The following EML1 variants were observed in gnomAD, a reference collection of about 807,000 sequenced individuals.
EML1 encodes EMAP like 1.
EML1 carries 27 observed loss-of-function variants against 110.4 expected under a neutral mutation model. The observed-to-expected ratio is 0.24, with a 90% CI of 0.18 to 0.34. EML1 has a LOEUF of 0.34. EML1 is among the 10% of genes least tolerant of loss of function. The pLI is 1.00. For synonymous variants in EML1, 344 were observed against 385.8 expected, an observed-to-expected ratio of 0.89 and a Z score of 1.27; for missense variants, 741 against 1,030.9, an observed-to-expected ratio of 0.72 and a Z score of 3.85.
At chr14:99,844,669 A>G (rs1465234483) in intron 1 of EML1, among the ~76,000 whole-genome samples, 6 of 152,224 alleles carry the variant, frequency 3.9e-5, no homozygotes, top group Non-Finnish European at 7.3e-5. Context: ...AATTACCTTC[A>G]AAATTCCCTT....
In EML1 at chr14:99,740,777, A is replaced by G. The variant is rs751325; in HGVS notation, c.28+2917A>G. On this transcript the variant is annotated intron_variant, in intron 1 of 10. Transcript: ENST00000554479. ...CATCTTTAAAATGGGGGGTTCGTCA[A>G]TTCTCTCACTGGGTCTGGAAATAGG... Among the ~76,000 whole-genome samples the G allele has an allele frequency of 6.3e-3, 952 of 152,238 alleles. 16 individuals carry two copies. Among genetic ancestry groups the G allele is most frequent in the Admixed American group, 0.035 (536 of 15,298 alleles).
intron 3 of EML1, among the ~76,000 whole-genome samples, chr14:99,871,561 A>G (rs755159725): frequency 1.3e-5 from 2 of 152,160 alleles, no homozygotes; most frequent in African/African-American, 2.4e-5. Context: ...GAGGAGGCCA[A>G]AATCTCAACA....
At chr14:99,754,302 C>T (rs149121823) in intron 1 of EML1, among the ~76,000 whole-genome samples, 4 of 152,232 alleles carry the variant, frequency 2.6e-5, no homozygotes, top group Admixed American at 1.3e-4. Flanking sequence ...TTGGCGGGGT[C>T]GGCCAGGGCA....
chr14:99,830,397 C>G (rs2139772417), intron 1 of EML1, among the ~76,000 whole-genome samples: 1 of 152,266 alleles, frequency 6.6e-6, no homozygotes, highest in East Asian at 1.9e-4. Flanking sequence ...AAGGGTGCTA[C>G]TTGAAAGGTG....
At chr14:99,873,397 A>ATATT (rs1566910205) in intron 3 of EML1, among the ~76,000 whole-genome samples, 3 of 152,240 alleles carry the variant, frequency 2.0e-5, no homozygotes, top group Non-Finnish European at 4.4e-5. Context: ...TGCTGGGTAC[A>ATATT]TAGCGTGATT....
At chr14:99,768,012 C>T (rs1417937614), upstream of EML1, among the ~76,000 whole-genome samples, 1 of 152,194 alleles carries the variant, frequency 6.6e-6, no homozygotes, top group Non-Finnish European at 1.5e-5. Flanking sequence ...TGCCAGGTCC[C>T]ATCTGCCTTG....
At chr14:99,783,061 T>C (rs1460230155) in intron 1 of EML1, among the ~76,000 whole-genome samples, 1 of 152,040 alleles carries the variant, frequency 6.6e-6, no homozygotes, top group Non-Finnish European at 1.5e-5. Flanking sequence ...ATTACATATG[T>C]ATACATGTGC....
intron 1 of EML1, among the ~76,000 whole-genome samples, chr14:99,787,558 C>T (rs939563512): frequency 3.3e-5 from 5 of 152,054 alleles, no homozygotes; most frequent in African/African-American, 7.2e-5. Flanking sequence ...GTATTCCAGG[C>T]GTGAGCCACC....
At chr14:99,797,572 G>T (rs184279730) in intron 1 of EML1, among the ~76,000 whole-genome samples, 1 of 152,228 alleles carries the variant, frequency 6.6e-6, no homozygotes, top group Admixed American at 6.5e-5. Flanking sequence ...ATACATTTTT[G>T]ATAAAAGAAT....
intron 4 of EML1, among the ~76,000 whole-genome samples, chr14:99,889,375 GC>G: frequency 6.6e-6 from 1 of 152,190 alleles, no homozygotes; most frequent in South Asian, 2.1e-4. Flanking sequence ...GGAGCTCCAG[GC>G]CTCACACCAG....
intron 4 of EML1, chr14:99,886,069 A>G: frequency 3.4e-6 from 1 of 298,432 alleles, no homozygotes; most frequent in Non-Finnish European, 6.6e-6. Context: ...TGGTTCTTAA[A>G]TGACCCTATT....
intron 7 of EML1, 115 bp downstream of exon 7, chr14:99,897,409 A>G: frequency 9.7e-7 from 1 of 1,034,282 alleles, no homozygotes; most frequent in Middle Eastern, 3.2e-4. Flanking sequence ...TCTAAAATAA[A>G]TAAATAAATA....
intron 1 of EML1, among the ~76,000 whole-genome samples, chr14:99,829,474 A>G (rs1427583320): frequency 1.3e-5 from 2 of 152,196 alleles, no homozygotes; most frequent in Non-Finnish European, 2.9e-5. Flanking sequence ...GGTAAAATAT[A>G]TGTAACAAAA....
rs28490149 is a variant in EML1 at position 99,941,770 on chromosome 14, T to C, written c.*1658T>C. ...TACCATACTCAATTGTCAGTTTACG[T>C]GGTTTTGTGAATACTGGCAAAAGCA... On this transcript the variant is annotated 3_prime_UTR_variant, in exon 22 of 22. Coordinates refer to ENST00000262233, the MANE Select transcript of EML1 (RefSeq NM_004434.3). The C allele has an allele frequency of 6.6e-6, 1 of 152,180 alleles. No homozygotes were observed. The highest frequency in any genetic ancestry group is 2.1e-4 in the South Asian group (1 of 4,832). 9.4% of individuals were successfully genotyped at this position (152,180 alleles called of 1,614,324 possible). A position where few individuals can be genotyped will look rare whatever the true frequency, so the allele number is the denominator to read the frequency against.
At position 99,940,243 on chromosome 14, in the gene EML1, T is replaced by G; in HGVS notation, c.*131T>G. 9 of 1,263,462 alleles carry G rather than the reference T, an allele frequency of 7.1e-6. No homozygotes were observed. Among genetic ancestry groups the G allele is most frequent in the South Asian group, 2.2e-5 (1 of 45,556 alleles). The allele number at this position is 1,263,462 out of a possible 1,614,324, so 78.3% of individuals were successfully genotyped here. On this transcript the variant is annotated 3_prime_UTR_variant, in exon 22 of 22. Transcript: ENST00000262233. The stretch of plus-strand genomic sequence containing the variant: ...CAGGAAAACTGTGCCCTCCGCCGGC[T>G]ACCTTAGCTTAGCGTGTCAGCGGGC...
chr14:99,783,439 A>G (rs1423982508), intron 1 of EML1, among the ~76,000 whole-genome samples: 1 of 151,472 alleles, frequency 6.6e-6, no homozygotes, highest in Non-Finnish European at 1.5e-5. Flanking sequence ...GGATGGCCAT[A>G]CAATTTATCA....
Position 99,908,803 on chromosome 14 carries a change from C to A in EML1, c.1105-542C>A, listed in dbSNP as rs558189851. On this transcript the variant is annotated intron_variant, in intron 10 of 21. Coordinates refer to ENST00000262233, the MANE Select transcript of EML1 (RefSeq NM_004434.3). ...CCAGGAGTCAATCGCAGGAGGAACT[C>A]CCTGGGGAAACGGGCAGCCAGAGTC... 2.9e-3 allele frequency among the ~76,000 whole-genome samples: 438 copies of A among 152,272 alleles called. 4 individuals are homozygous for A. The highest frequency in any genetic ancestry group is 9.8e-3 in the African/African-American group (408 of 41,544).
intron 1 of EML1, among the ~76,000 whole-genome samples, chr14:99,741,677 G>A (rs1056086825): frequency 2.0e-5 from 3 of 151,254 alleles, no homozygotes; most frequent in African/African-American, 4.9e-5. Flanking sequence ...CCAGGGCAGC[G>A]TCCACCTTCT....
intron 1 of EML1, among the ~76,000 whole-genome samples, chr14:99,819,346 A>G (rs1278240741): frequency 2.0e-5 from 3 of 152,176 alleles, no homozygotes. Context: ...GCTCACACAG[A>G]CTTTAGGTCT....
Sources: allele counts gnomAD v4.1 joint callset (sites outside exome capture counted in the v4.1 genomes callset), GRCh38; gene constraint gnomAD v4.1.1; transcripts MANE v1.5; gene names NCBI Gene and HGNC (gene_info 2026-07-23, HGNC 2026-07-21).